MAP2: variants seen among roughly 807,000 people sequenced by gnomAD.
MAP2 encodes microtubule associated protein 2, also known as microtubule-associated protein 2.
MAP2 carries 14 observed loss-of-function variants against 137.6 expected under a neutral mutation model. The observed-to-expected ratio is 0.10, with a 90% CI of 0.07 to 0.16. The LOEUF is 0.16. Among genes scored for constraint, MAP2 ranks in the 10% least tolerant of loss-of-function variants. The pLI is 1.00. For synonymous variants in MAP2, 786 were observed against 782.3 expected, an observed-to-expected ratio of 1.00 and a Z score of -0.08; for missense variants, 2,088 against 2,191.5, an observed-to-expected ratio of 0.95 and a Z score of 0.94.
At chr2:209,558,153 A>G (rs540253772) in intron 2 of MAP2, among the ~76,000 whole-genome samples, 1 of 152,242 alleles carries the variant, frequency 6.6e-6, no homozygotes, top group African/African-American at 2.4e-5. Flanking sequence ...ACACATTCAT[A>G]TATCTACATA....
chr2:209,499,252 C>G (rs961849030), intron 1 of MAP2, among the ~76,000 whole-genome samples: 2 of 152,130 alleles, frequency 1.3e-5, no homozygotes, highest in African/African-American at 4.8e-5. Context: ...AGGGTATGGA[C>G]ACAATCCAGC....
At chr2:209,536,625 G>T (rs2065986359) in intron 2 of MAP2, among the ~76,000 whole-genome samples, 1 of 152,150 alleles carries the variant, frequency 6.6e-6, no homozygotes, top group Non-Finnish European at 1.5e-5. Flanking sequence ...CAGAAGCCTT[G>T]TCTGTGTCTT....
chr2:209,605,116 T>G (rs2084255465), intron 3 of MAP2, among the ~76,000 whole-genome samples: 1 of 152,188 alleles, frequency 6.6e-6, no homozygotes. Context: ...TAAAGGTAAC[T>G]AGGCTGTTTT....
chr2:209,429,320 T>C (rs1367375038), intron 1 of MAP2, among the ~76,000 whole-genome samples: 1 of 152,084 alleles, frequency 6.6e-6, no homozygotes, highest in Non-Finnish European at 1.5e-5. Context: ...AATAAAAAAT[T>C]TGGCTAGCCA....
chr2:209,632,849 G>T (rs1008002174), intron 4 of MAP2, among the ~76,000 whole-genome samples: 20 of 152,106 alleles, frequency 1.3e-4, no homozygotes, highest in African/African-American at 4.8e-4. Context: ...CTCAGCCCAG[G>T]GCGTCTACCA....
chr2:209,590,845 C>T (rs1407564447), intron 3 of MAP2, among the ~76,000 whole-genome samples: 1 of 152,126 alleles, frequency 6.6e-6, no homozygotes, highest in Non-Finnish European at 1.5e-5. Flanking sequence ...CCTCCTTGCC[C>T]ATTACCCTTA....
At chr2:209,690,528 G>C (rs1398425840) in intron 7 of MAP2, 1 of 1,138,482 alleles carries the variant, frequency 8.8e-7, no homozygotes, top group African/African-American at 1.6e-5. Flanking sequence ...AGCTGAAAGT[G>C]TTCCTTTAGC....
intron 10 of MAP2, among the ~76,000 whole-genome samples, 156 bp from the exon 11 acceptor site, chr2:209,700,121 A>C (rs1380103696): frequency 6.6e-6 from 1 of 152,188 alleles, no homozygotes; most frequent in African/African-American, 2.4e-5. Flanking sequence ...ATTGTTATTC[A>C]TGTTACTTGA....
chr2:209,441,373 T>G (rs1697728460), intron 1 of MAP2, among the ~76,000 whole-genome samples: 1 of 151,628 alleles, frequency 6.6e-6, no homozygotes, highest in South Asian at 2.1e-4. Context: ...TACTCATAAA[T>G]CCTTTAAATT....
At chr2:209,662,690 T>C (rs2044217716) in intron 5 of MAP2, among the ~76,000 whole-genome samples, 1 of 152,214 alleles carries the variant, frequency 6.6e-6, no homozygotes, top group East Asian at 1.9e-4. Context: ...AATTCTTTTT[T>C]TATTTTTAGC....
chr2:209,695,108 A>C lies in MAP2; in HGVS notation c.2938A>C (p.Thr980Pro). 6.2e-7 allele frequency: 1 copy of C among 1,614,176 alleles called. No individual in the cohort carries two copies. Among genetic ancestry groups the C allele is most frequent in the Non-Finnish European group, 8.5e-7 (1 of 1,180,034 alleles). Reference protein sequence around the residue: ...HADSKEHAKKTEEAGDEIETF... With the variant: ...HADSKEHAKKPEEAGDEIETF... ...TGATTCAAAAGAACATGCCAAGAAA[A>C]CTGAAGAGGCTGGTGATGAAATAGA... The change falls in exon 8 of 16, where the codon ACT (threonine) becomes CCT (proline). Residue 980 changes from threonine (T) to proline (P), a missense_variant. By Grantham distance (38) the Thr-to-Pro change is conservative. Transcript: ENST00000682079.
chr2:209,658,599 C>T lies in MAP2; in HGVS notation c.262+5167C>T, dbSNP rs577031083. Among the ~76,000 whole-genome samples the T allele has an allele frequency of 1.3e-4, 20 of 152,020 alleles. 1 individual carries two copies. The South Asian group carries it at 1.9e-3, about 14-fold the overall frequency. ...TTGGCTCATTGCAATGTCTGCCTCC[C>T]GGGTTCAAGCGATTCTCTTGCCTCA... On this transcript the variant is annotated intron_variant, in intron 5 of 15. Transcript: ENST00000682079.
chr2:209,699,236 G>A (rs1174348728), intron 10 of MAP2, among the ~76,000 whole-genome samples: 1 of 152,110 alleles, frequency 6.6e-6, no homozygotes, highest in Non-Finnish European at 1.5e-5. Flanking sequence ...TCACTAGCTA[G>A]TCCTACATGG....
intron 1 of MAP2, among the ~76,000 whole-genome samples, chr2:209,464,430 A>G: frequency 6.6e-6 from 1 of 152,174 alleles, no homozygotes; most frequent in Admixed American, 6.5e-5. Flanking sequence ...TATACTACTT[A>G]ATGAAGAATA....
chr2:209,577,467 A>G (rs2075537139), intron 2 of MAP2, among the ~76,000 whole-genome samples: 1 of 152,222 alleles, frequency 6.6e-6, no homozygotes. Flanking sequence ...GAATATTGAA[A>G]GAACAGTTTG....
At chr2:209,582,100 C>T (rs1352419516) in intron 3 of MAP2, among the ~76,000 whole-genome samples, 1 of 151,872 alleles carries the variant, frequency 6.6e-6, no homozygotes, top group African/African-American at 2.4e-5. Flanking sequence ...TAGTATAGTG[C>T]CTGGGTCACA....
intron 5 of MAP2, among the ~76,000 whole-genome samples, chr2:209,670,588 A>G (rs1051697470): frequency 2.6e-5 from 4 of 151,964 alleles, no homozygotes; most frequent in Non-Finnish European, 4.4e-5. Flanking sequence ...GGCCAGTTCT[A>G]TTAAACTCTA....
At chr2:209,692,311 C>T (rs1241484991) in intron 7 of MAP2, among the ~76,000 whole-genome samples, 3 of 140,098 alleles carry the variant, frequency 2.1e-5, no homozygotes, top group Non-Finnish European at 4.6e-5. Context: ...TTCTGTAATA[C>T]ACATCACATA....
intron 2 of MAP2, among the ~76,000 whole-genome samples, chr2:209,518,386 G>A (rs564951137): frequency 1.3e-5 from 2 of 152,126 alleles, no homozygotes; most frequent in South Asian, 4.1e-4. Flanking sequence ...CTTCAGCTGG[G>A]TTTATAGGTA....
Sources: allele counts gnomAD v4.1 joint callset (sites outside exome capture counted in the v4.1 genomes callset), GRCh38; gene constraint gnomAD v4.1.1; transcripts MANE v1.5; gene names NCBI Gene and HGNC (gene_info 2026-07-23, HGNC 2026-07-21).